NAT1: variants seen among roughly 807,000 people sequenced by gnomAD.
NAT1 encodes arylamine N-acetyltransferase 1.
For missense variants in NAT1, 400 were observed against 339.2 expected (o/e 1.18, Z -1.41); for synonymous variants, 144 against 122.6 (o/e 1.17, Z -1.16).
chr8:18,189,662 C>T (rs1802900038), intron 2 of NAT1, among the ~76,000 whole-genome samples: 1 of 152,158 alleles, frequency 6.6e-6, no homozygotes, highest in South Asian at 2.1e-4. Flanking sequence ...TTGTTTCTTG[C>T]CTTTTCTCTC....
chr8:18,198,940 G>A (rs1563174044), intron 2 of NAT1, among the ~76,000 whole-genome samples: 1 of 152,068 alleles, frequency 6.6e-6, no homozygotes, highest in Admixed American at 6.5e-5. Context: ...TTAAAAAGCT[G>A]ATATTCAGGA....
At chr8:18,191,175 C>T (rs892827099) in intron 2 of NAT1, among the ~76,000 whole-genome samples, 1 of 152,180 alleles carries the variant, frequency 6.6e-6, no homozygotes, top group African/African-American at 2.4e-5. Context: ...CACATTCATA[C>T]AATATCCTTA....
In NAT1 at chr8:18,222,347, A is replaced by C. The variant is rs956774819; in HGVS notation, c.300A>C (p.Lys100Asn). 2.5e-6 allele frequency: 4 copies of C among 1,613,986 alleles called. No individual in the cohort carries two copies. In the African/African-American group the frequency reaches 5.3e-5, roughly 22 times the overall value. ...ATGTTTACAGCACTCCAGCCAAAAAATACAGCACTGGCATGATTCACCTTC... is the reference window on the plus strand; with the variant it reads ...ATGTTTACAGCACTCCAGCCAAAAACTACAGCACTGGCATGATTCACCTTC... ...GGYVYSTPAKKYSTGMIHLLL... is the reference protein window; with the variant it reads ...GGYVYSTPAKNYSTGMIHLLL... The change falls in exon 3 of 3, where the codon AAA becomes AAC. Residue 100 changes from lysine (K) to asparagine (N), a missense_variant. Lys to Asn is a moderately conservative substitution (Grantham distance 94). Transcript: ENST00000307719.
chr8:18,201,572 A>G (rs940695683), intron 2 of NAT1, among the ~76,000 whole-genome samples: 1 of 152,184 alleles, frequency 6.6e-6, no homozygotes, highest in African/African-American at 2.4e-5. Context: ...GAAGAAAAGC[A>G]TGGTTTGGTC....
chr8:18,178,618 T>G (rs1802383667), intron 2 of NAT1, among the ~76,000 whole-genome samples: 1 of 152,174 alleles, frequency 6.6e-6, no homozygotes, highest in Non-Finnish European at 1.5e-5. Flanking sequence ...GTGAAAATTA[T>G]CACTGTTCTT....
rs1241106979 is a variant in NAT1 at position 18,222,164 on chromosome 8, C to T, written c.117C>T (p.Asn39=). The T allele has an allele frequency of 6.2e-7, 1 of 1,614,112 alleles. No homozygotes were observed. Among genetic ancestry groups the T allele is most frequent in the Admixed American group, 1.7e-5 (1 of 60,016 alleles). ...AGATCCGAGCTGTTCCCTTTGAGAA[C>T]CTTAACATCCATTGTGGGGATGCCA... The part of the protein sequence containing the change: ...QHQIRAVPFE[N]LNIHCGDAMD... Residue 39 remains asparagine (N), a synonymous_variant, in exon 3 of 3, where the codon AAC becomes AAT. Coordinates refer to ENST00000307719, the MANE Select transcript of NAT1 (RefSeq NM_000662.8).
chr8:18,191,523 C>T (rs561796650), intron 2 of NAT1, among the ~76,000 whole-genome samples: 21 of 151,710 alleles, frequency 1.4e-4, no homozygotes, highest in South Asian at 1.0e-3. Context: ...AAAAAGAGCC[C>T]GCATCGCCAA....
Position 18,187,841 on chromosome 8 carries a change from C to A in NAT1, n.92+17102C>A, listed in dbSNP as rs147584376. On this transcript the variant is annotated intron_variant and non_coding_transcript_variant, in intron 2 of 4. Coordinates refer to the NAT1 transcript ENST00000517441. ...CCTATATAACAAACCTGCGCATATGCCCCGGAACCTAAAAGTTTAACAGAT... is the reference window on the plus strand; with the variant it reads ...CCTATATAACAAACCTGCGCATATGACCCGGAACCTAAAAGTTTAACAGAT... Among the ~76,000 whole-genome samples the A allele has an allele frequency of 4.0e-3, 607 of 151,910 alleles. 3 individuals carry two copies. The highest frequency in any genetic ancestry group is 0.014 in the African/African-American group (585 of 41,420).
intron 2 of NAT1, among the ~76,000 whole-genome samples, chr8:18,174,050 G>T (rs1325198855): frequency 6.6e-6 from 1 of 152,152 alleles, no homozygotes; most frequent in Non-Finnish European, 1.5e-5. Flanking sequence ...TCCTCCTTGT[G>T]AGGTTCTGTG....
intron 2 of NAT1, 55 bp from the exon 3 acceptor site, chr8:18,221,987 C>T (rs568572083): frequency 7.2e-6 from 11 of 1,536,016 alleles, no homozygotes; most frequent in Non-Finnish European, 9.7e-6. Flanking sequence ...TTAGCCTACT[C>T]AAATCCAAGT....
In NAT1 at chr8:18,222,108, T is replaced by G. The variant is rs767455795; in HGVS notation, c.61T>G (p.Leu21Val). Reference protein sequence around the residue: ...GYKKSRNKLDLETLTDILQHQ... With the variant: ...GYKKSRNKLDVETLTDILQHQ... ...TAAGAAGTCTAGGAACAAATTGGAC[T>G]TGGAAACATTAACTGACATTCTTCA... Residue 21 changes from leucine (L) to valine (V), a missense_variant, in exon 3 of 3, where the codon TTG (leucine) becomes GTG (valine). By Grantham distance (32) the Leu-to-Val change is conservative. Coordinates refer to ENST00000307719, the MANE Select transcript of NAT1 (RefSeq NM_000662.8). The G allele has an allele frequency of 3.0e-5, 49 of 1,614,148 alleles. No individual in the cohort carries two copies. The highest frequency in any genetic ancestry group is 4.2e-5 in the Non-Finnish European group (49 of 1,179,982).
intron 2 of NAT1, among the ~76,000 whole-genome samples, chr8:18,176,984 G>A (rs953033204): frequency 5.9e-5 from 9 of 151,988 alleles, no homozygotes; most frequent in African/African-American, 2.2e-4. Flanking sequence ...TATTGTGAAT[G>A]AGATTATTTT....
chr8:18,177,840 T>C (rs1260420056), intron 2 of NAT1, among the ~76,000 whole-genome samples: 1 of 152,064 alleles, frequency 6.6e-6, no homozygotes. Flanking sequence ...AGACGGATGT[T>C]TCTAATTATC....
chr8:18,210,222 T>A (rs904510236), intron 1 of NAT1, 42 bp downstream of exon 1: 2 of 152,186 alleles, frequency 1.3e-5, no homozygotes, highest in African/African-American at 4.8e-5. Flanking sequence ...TGGGGTTTAA[T>A]CCTATCTCAA....
intron 2 of NAT1, among the ~76,000 whole-genome samples, chr8:18,200,569 A>C (rs952658948): frequency 6.6e-6 from 1 of 152,148 alleles, no homozygotes; most frequent in African/African-American, 2.4e-5. Flanking sequence ...AGGATTGAAA[A>C]ACTACCTCTC....
chr8:18,221,831 AAAG>A (rs1805331087), intron 2 of NAT1: 1 of 443,120 alleles, frequency 2.3e-6, no homozygotes, highest in South Asian at 5.0e-5. Context: ...CTCACACTTG[AAAG>A]AAGACATAAT....
chr8:18,220,518 T>C (rs1396117424), intron 2 of NAT1, among the ~76,000 whole-genome samples: 1 of 152,186 alleles, frequency 6.6e-6, no homozygotes, highest in Non-Finnish European at 1.5e-5. Context: ...ATGGCAGGTT[T>C]AAAAAACCTT....
chr8:18,211,871 T>G (rs1804143289), intron 1 of NAT1, among the ~76,000 whole-genome samples: 1 of 152,278 alleles, frequency 6.6e-6, no homozygotes, highest in Non-Finnish European at 1.5e-5. Context: ...ACTCATTGGC[T>G]CTCCTTGTAA....
chr8:18,179,830 A>G (rs1171471749), intron 2 of NAT1, among the ~76,000 whole-genome samples: 1 of 152,210 alleles, frequency 6.6e-6, no homozygotes, highest in African/African-American at 2.4e-5. Context: ...AGCCTCATGA[A>G]AGACACACAG....
Sources: allele counts gnomAD v4.1 joint callset (sites outside exome capture counted in the v4.1 genomes callset), GRCh38; gene constraint gnomAD v4.1.1; transcripts MANE v1.5; gene names NCBI Gene and HGNC (gene_info 2026-07-23, HGNC 2026-07-21).